The following PIK3R1 variants were observed in gnomAD, a reference collection of about 807,000 sequenced individuals.
The protein encoded by PIK3R1 is phosphoinositide-3-kinase regulatory subunit 1, also known as phosphatidylinositol 3-kinase regulatory subunit alpha.
PIK3R1 carries 29 observed loss-of-function variants against 98.0 expected under a neutral mutation model. The observed-to-expected ratio is 0.30, with a 90% CI of 0.22 to 0.40. The LOEUF is 0.40. Ranked by LOEUF, PIK3R1 falls within the 10% of genes least tolerant of loss-of-function variation. PIK3R1 has a pLI of 1.00. For synonymous variants in PIK3R1, 282 were observed against 311.8 expected, an observed-to-expected ratio of 0.90 and a Z score of 1.01; for missense variants, 596 against 872.7, an observed-to-expected ratio of 0.68 and a Z score of 3.99.
chr5:68,269,970 C>T (rs1029175068), intron 2 of PIK3R1, among the ~76,000 whole-genome samples: 39 of 151,720 alleles, frequency 2.6e-4, no homozygotes, highest in African/African-American at 6.8e-4. Flanking sequence ...TACATTTGAG[C>T]GATAAAGCTT....
intron 2 of PIK3R1, among the ~76,000 whole-genome samples, chr5:68,249,890 GA>G (rs1745239068): frequency 6.6e-6 from 1 of 152,142 alleles, no homozygotes; most frequent in African/African-American, 2.4e-5. Context: ...ACCCATCTGG[GA>G]ACCCCTAAAG....
chr5:68,244,994 A>G (rs933802810), intron 2 of PIK3R1, among the ~76,000 whole-genome samples: 3 of 152,224 alleles, frequency 2.0e-5, no homozygotes, highest in Non-Finnish European at 4.4e-5. Flanking sequence ...AGGCACTCAT[A>G]CAGTTAAATG....
intron 2 of PIK3R1, among the ~76,000 whole-genome samples, chr5:68,242,101 C>G (rs1232776634): frequency 6.6e-6 from 1 of 152,216 alleles, no homozygotes; most frequent in African/African-American, 2.4e-5. Context: ...AAGCAATGCC[C>G]TCATTCCATT....
At chr5:68,274,063 T>C in intron 4 of PIK3R1, 50 bp downstream of exon 4, 1 of 1,422,856 alleles carries the variant, frequency 7.0e-7, no homozygotes, top group Non-Finnish European at 9.9e-7. Context: ...GGTCTTGGCT[T>C]TCTGTTTCAG....
At chr5:68,220,798 C>T (rs180866687) in intron 1 of PIK3R1, among the ~76,000 whole-genome samples, 167 of 152,330 alleles carry the variant, frequency 1.1e-3, no homozygotes, top group Admixed American at 2.4e-3. Flanking sequence ...TGGGGTTAAT[C>T]TCAGCCCATT....
intron 1 of PIK3R1, among the ~76,000 whole-genome samples, chr5:68,222,125 G>A (rs1744112260): frequency 6.6e-6 from 1 of 152,166 alleles, no homozygotes; most frequent in Non-Finnish European, 1.5e-5. Context: ...TGTCAGAACT[G>A]GGTAAAAATA....
intron 2 of PIK3R1, among the ~76,000 whole-genome samples, chr5:68,250,796 A>G (rs1037103787): frequency 2.0e-5 from 3 of 152,154 alleles, no homozygotes; most frequent in Non-Finnish European, 2.9e-5. Flanking sequence ...TAGCAGGCCT[A>G]TGTGTCCTCA....
intron 2 of PIK3R1, among the ~76,000 whole-genome samples, chr5:68,263,813 C>A (rs139474529): frequency 1.3e-5 from 2 of 152,128 alleles, no homozygotes; most frequent in African/African-American, 4.8e-5. Context: ...TCTTGCCTTT[C>A]TTGCCTTTAT....
In PIK3R1 at chr5:68,298,538, T is replaced by C; in HGVS notation, c.*937T>C. 4.3e-6 allele frequency: 1 copy of C among 232,738 alleles called. No homozygotes were observed. Among genetic ancestry groups the C allele is most frequent in the East Asian group, 6.1e-5 (1 of 16,442 alleles). 14.4% of individuals were successfully genotyped at this position (232,738 alleles called of 1,614,324 possible). A position where few individuals can be genotyped will look rare whatever the true frequency, so the allele number is the denominator to read the frequency against. On this transcript the variant is annotated 3_prime_UTR_variant, in exon 16 of 16. Transcript: ENST00000521381. ...TTTTTGTTAATATTCATTTTTGTTA[T>C]CCTTTTTTAAAAGTAAATGTACAGG...
At chr5:68,287,506 T>C (rs796372793) in intron 7 of PIK3R1, among the ~76,000 whole-genome samples, 13 of 152,328 alleles carry the variant, frequency 8.5e-5, no homozygotes, top group African/African-American at 3.1e-4. Context: ...TAAATTACTT[T>C]CTGGTGTAAA....
chr5:68,216,526 G>A (rs957671181), intron 1 of PIK3R1, among the ~76,000 whole-genome samples: 1 of 152,228 alleles, frequency 6.6e-6, no homozygotes, highest in South Asian at 2.1e-4. Flanking sequence ...CCTCTTCCGG[G>A]GTGGGGGAAG....
intron 2 of PIK3R1, among the ~76,000 whole-genome samples, chr5:68,262,623 A>G (rs116820170): frequency 4.7e-5 from 6 of 127,328 alleles, no homozygotes; most frequent in African/African-American, 1.8e-4. Flanking sequence ...ACACATGTAG[A>G]TGCATGTATA....
intron 3 of PIK3R1, 49 bp downstream of exon 3, chr5:68,273,531 C>A: frequency 7.1e-7 from 1 of 1,405,882 alleles, no homozygotes; most frequent in Non-Finnish European, 1.0e-6. Flanking sequence ...ACCCTTATTT[C>A]ATGGCTCTTA....
At chr5:68,239,996 C>G in intron 2 of PIK3R1, 1 of 478,484 alleles carries the variant, frequency 2.1e-6, no homozygotes, top group Admixed American at 2.4e-5. Context: ...TGGCTCTTAA[C>G]TGGCTAAAAT....
chr5:68,254,200 G>A (rs1039157122), intron 2 of PIK3R1, among the ~76,000 whole-genome samples: 3 of 152,166 alleles, frequency 2.0e-5, no homozygotes, highest in Admixed American at 6.5e-5. Context: ...TAAACCAGGA[G>A]AGACTTATTC....
At chr5:68,253,218 A>G (rs534584240) in intron 2 of PIK3R1, among the ~76,000 whole-genome samples, 72 of 152,176 alleles carry the variant, frequency 4.7e-4, no homozygotes, top group African/African-American at 1.6e-3. Context: ...GATTTCGCTT[A>G]TATCTTTGTA....
chr5:68,223,003 C>CCTGTTTTTATATAGTTATCTA, intron 1 of PIK3R1, among the ~76,000 whole-genome samples: 2 of 152,040 alleles, frequency 1.3e-5, no homozygotes, highest in African/African-American at 4.8e-5. Context: ...TATCTACACA[C>CCTGTTTTTATATAGTTATCTA]ACACACACAT....
intron 1 of PIK3R1, among the ~76,000 whole-genome samples, chr5:68,219,576 G>A (rs1211360509): frequency 6.6e-6 from 1 of 152,218 alleles, no homozygotes; most frequent in African/African-American, 2.4e-5. Flanking sequence ...CCTCTCCCAG[G>A]CCTCCTTTGT....
chr5:68,276,035 T>C (rs1746558631), intron 4 of PIK3R1, among the ~76,000 whole-genome samples: 1 of 152,224 alleles, frequency 6.6e-6, no homozygotes, highest in Non-Finnish European at 1.5e-5. Context: ...CATTTTTCAG[T>C]GCCTTAGTGG....
Sources: gnomAD v4.1 joint callset for allele counts (sites outside exome capture counted in the v4.1 genomes callset) on GRCh38, gnomAD v4.1.1 for gene constraint, MANE v1.5 for transcripts, NCBI Gene and HGNC (gene_info 2026-07-23, HGNC 2026-07-21) for gene names.